Variants in IPO7 observed in about 807,000 individuals in gnomAD.
The protein encoded by IPO7 is importin-7.
IPO7 carries 13 observed loss-of-function variants against 136.4 expected under a neutral mutation model. The observed-to-expected ratio is 0.10, with a 90% confidence interval of 0.06 to 0.15. IPO7 has a LOEUF of 0.15. Among genes scored for constraint, IPO7 ranks in the 10% least tolerant of loss-of-function variants. The pLI, the probability that IPO7 is intolerant of heterozygous loss-of-function variation, is 1.00. For missense variants in IPO7, 857 were observed against 1,240.6 expected (o/e 0.69, Z 4.65); for synonymous variants, 403 against 404.4 (o/e 1.00, Z 0.04).
chr11:9,437,462 G>A (rs2133764068), intron 20 of IPO7, among the ~76,000 whole-genome samples: 1 of 151,878 alleles, frequency 6.6e-6, no homozygotes, highest in Admixed American at 6.6e-5. Context: ...CACTGTGTTA[G>A]CCAGGATGGT....
chr11:9,392,238 C>T (rs1854645241), intron 1 of IPO7: 9 of 288,784 alleles, frequency 3.1e-5, no homozygotes, highest in East Asian at 2.9e-4. Flanking sequence ...AGTGCAATGG[C>T]ACAATCTCGG....
chr11:9,432,229 T>C (rs1363142800), intron 16 of IPO7, among the ~76,000 whole-genome samples: 2 of 146,826 alleles, frequency 1.4e-5, no homozygotes, highest in East Asian at 4.0e-4. Context: ...TGAGACAGAG[T>C]CTCCCTTTGT....
At chr11:9,442,898 C>T (rs1368253666) in intron 24 of IPO7, among the ~76,000 whole-genome samples, 2 of 152,076 alleles carry the variant, frequency 1.3e-5, no homozygotes, top group Non-Finnish European at 1.5e-5. Context: ...TGGCACATGC[C>T]TATATTCCCA....
intron 1 of IPO7, among the ~76,000 whole-genome samples, chr11:9,388,200 G>A (rs145649807): frequency 0.015 from 2,178 of 148,838 alleles, 68 homozygotes; most frequent in African/African-American, 0.051. Context: ...TTTTTGAGAC[G>A]GAGTCTTGCT....
intron 1 of IPO7, among the ~76,000 whole-genome samples, chr11:9,391,873 C>T (rs1201801534): frequency 6.6e-6 from 1 of 151,986 alleles, no homozygotes; most frequent in African/African-American, 2.4e-5. Context: ...ATTAAGCTAT[C>T]CTCCTGCCTT....
chr11:9,402,851 C>CAAA, intron 1 of IPO7: 4 of 125,104 alleles, frequency 3.2e-5, no homozygotes, highest in Non-Finnish European at 6.7e-5. Flanking sequence ...AAGACTGTCT[C>CAAA]AAAAAAAAAA....
chr11:9,406,704 C>T (rs1854893182), intron 2 of IPO7, among the ~76,000 whole-genome samples: 1 of 152,022 alleles, frequency 6.6e-6, no homozygotes, highest in African/African-American at 2.4e-5. Flanking sequence ...AACCCTGTCT[C>T]TACTAAAAAT....
intron 6 of IPO7, among the ~76,000 whole-genome samples, chr11:9,417,815 C>T (rs979076116): frequency 4.0e-5 from 6 of 150,862 alleles, no homozygotes; most frequent in Non-Finnish European, 8.9e-5. Context: ...CAGGTTCACG[C>T]GATTCTCATG....
chr11:9,406,594 G>A (rs1410626657), intron 2 of IPO7, among the ~76,000 whole-genome samples: 5 of 152,084 alleles, frequency 3.3e-5, no homozygotes, highest in Non-Finnish European at 7.4e-5. Context: ...CTTGGGGCTG[G>A]CCACGGTGGC....
chr11:9,442,022 C>A, intron 23 of IPO7, 59 bp from the exon 24 acceptor site: 1 of 796,318 alleles, frequency 1.3e-6, no homozygotes, highest in Non-Finnish European at 2.2e-6. Flanking sequence ...TAGTGTAGAA[C>A]GGAGCTACCA....
chr11:9,410,926 C>A (rs1414689288), intron 4 of IPO7, among the ~76,000 whole-genome samples: 1 of 152,164 alleles, frequency 6.6e-6, no homozygotes. Flanking sequence ...GCCTCCAATA[C>A]CCTCTTTGGG....
chr11:9,437,455 T>C (rs1169693385), intron 20 of IPO7, among the ~76,000 whole-genome samples: 1 of 151,822 alleles, frequency 6.6e-6, no homozygotes, highest in Non-Finnish European at 1.5e-5. Flanking sequence ...GGGGTTTCAC[T>C]GTGTTAGCCA....
intron 4 of IPO7, among the ~76,000 whole-genome samples, chr11:9,412,268 T>A (rs1025928050): frequency 3.3e-5 from 5 of 152,146 alleles, no homozygotes; most frequent in African/African-American, 1.2e-4. Flanking sequence ...TTTCACCTGG[T>A]AGGAAAAAAA....
chr11:9,429,826 C>A lies in IPO7; in HGVS notation c.1744C>A (p.Gln582Lys), dbSNP rs1287648178. ...EVTPIAVEMT[Q>K]HLAMTFNQVI... ...TACTCCTATTGCAGTAGAAATGACACAACATTTGGTATGTTGTTTGAACCT... is the reference window on the plus strand; with the variant it reads ...TACTCCTATTGCAGTAGAAATGACAAAACATTTGGTATGTTGTTTGAACCT... Residue 582 changes from glutamine (Q) to lysine (K), a missense_variant, in exon 15 of 25, where the codon CAA (glutamine) becomes AAA (lysine). Transcript: ENST00000379719. 1 of 1,591,328 alleles carries A rather than the reference C, an allele frequency of 6.3e-7. No homozygotes were observed. Among genetic ancestry groups the A allele is most frequent in the Non-Finnish European group, 8.5e-7 (1 of 1,171,630 alleles).
At chr11:9,397,341 A>AAAATATATATATATATATAT in intron 1 of IPO7, among the ~76,000 whole-genome samples, 2 of 10,760 alleles carry the variant, frequency 1.9e-4, no homozygotes, top group African/African-American at 2.5e-4. Flanking sequence ...TTTAAAAAAA[A>AAAATATATATATATATATAT]ATATATATAT....
intron 1 of IPO7, among the ~76,000 whole-genome samples, chr11:9,386,388 C>G (rs1047548096): frequency 3.9e-5 from 6 of 152,086 alleles, no homozygotes; most frequent in Non-Finnish European, 4.4e-5. Context: ...AGCAATGGAT[C>G]ACTTTTTGTT....
At position 9,445,322 on chromosome 11, in the gene IPO7, A is replaced by C; in HGVS notation, c.*128A>C. ...CAATAGATGGACAAAAGAAACAACA[A>C]CCCCAGGAGATGGGACCTGATCATG... On this transcript the variant is annotated 3_prime_UTR_variant, in exon 25 of 25. Transcript: ENST00000379719. 2 of 280,314 alleles carry C rather than the reference A, an allele frequency of 7.1e-6. No individual in the cohort carries two copies. Among genetic ancestry groups the C allele is most frequent in the South Asian group, 7.7e-5 (2 of 25,836 alleles). The allele number at this position is 280,314 out of a possible 1,614,324, so 17.4% of individuals were successfully genotyped here.
Position 9,445,168 on chromosome 11 carries a change from G to A in IPO7, c.3091G>A (p.Gly1031Arg), listed in dbSNP as rs1375519976. 1 of 1,602,772 alleles carries A rather than the reference G, an allele frequency of 6.2e-7. No homozygotes were observed. Among genetic ancestry groups the A allele is most frequent in the Non-Finnish European group, 8.5e-7 (1 of 1,169,620 alleles). ...APVVPSSFNFGGPAPGMN is the reference protein window; with the variant it reads ...APVVPSSFNFRGPAPGMN ...AGTTGTGCCAAGTTCTTTCAATTTT[G>A]GAGGCCCAGCACCAGGGATGAATTG... The change falls in exon 25 of 25, where the codon GGA becomes AGA. Residue 1031 changes from glycine (G) to arginine (R), a missense_variant. Gly to Arg is a moderately radical substitution (Grantham distance 125, BLOSUM62 -2). Transcript: ENST00000379719.
intron 1 of IPO7, among the ~76,000 whole-genome samples, chr11:9,397,415 G>A (rs1347642802): frequency 1.4e-5 from 2 of 140,556 alleles, no homozygotes; most frequent in East Asian, 4.2e-4. Flanking sequence ...ATTTTCTGTA[G>A]AGGTAGCATC....
Sources: gnomAD v4.1 joint callset for allele counts (sites outside exome capture counted in the v4.1 genomes callset) on GRCh38, gnomAD v4.1.1 for gene constraint, MANE v1.5 for transcripts, NCBI Gene and HGNC (gene_info 2026-07-23, HGNC 2026-07-21) for gene names.